CMC1: variants seen among roughly 807,000 people sequenced by gnomAD.
The protein encoded by CMC1 is C-X9-C motif containing 1, also known as COX assembly mitochondrial protein homolog.
A neutral mutation model predicts 14.1 loss-of-function variants in CMC1; 14 were observed. That is an observed-to-expected ratio of 0.99 (90% CI 0.66 to 1.55). The LOEUF (loss-of-function observed/expected upper bound fraction) is 1.55, where lower values mean the gene tolerates loss of function less well. Ranked by LOEUF, CMC1 falls within the 40% of genes most tolerant of loss-of-function variation. The pLI is 0.00. For missense variants in CMC1, 127 were observed against 123.8 expected, an observed-to-expected ratio of 1.03 and a Z score of -0.12; for synonymous variants, 50 against 38.4, an observed-to-expected ratio of 1.30 and a Z score of -1.12.
intron 1 of CMC1, among the ~76,000 whole-genome samples, chr3:28,252,932 C>T (rs181016116): frequency 5.1e-4 from 77 of 152,232 alleles, no homozygotes; most frequent in Non-Finnish European, 1.8e-4. Flanking sequence ...TGGAGCATTG[C>T]GGGGAAGAAA....
intron 2 of CMC1, among the ~76,000 whole-genome samples, chr3:28,271,912 G>A (rs1194927524): frequency 1.3e-5 from 2 of 152,156 alleles, no homozygotes; most frequent in Non-Finnish European, 2.9e-5. Context: ...GCAGTGGCTT[G>A]TAGTTCTCCT....
In CMC1 at chr3:28,323,694, T is replaced by G. The variant is rs1297081830; in HGVS notation, c.*4065T>G. 5.8e-6 allele frequency: 1 copy of G among 172,862 alleles called. No individual in the cohort carries two copies. The highest frequency in any genetic ancestry group is 1.5e-4 in the East Asian group (1 of 6,456). The allele number at this position is 172,862 out of a possible 1,614,324, so 10.7% of individuals were successfully genotyped here. A position where few individuals can be genotyped will look rare whatever the true frequency, so the allele number is the denominator to read the frequency against. On this transcript the variant is annotated 3_prime_UTR_variant, in exon 4 of 4. Transcript: ENST00000466830. ...TTTTTATGAACAGATATTTAGACAT[T>G]TCACATTTTGTAAAACCACGTCTAC...
At chr3:28,252,590 AT>A (rs1457031746) in intron 1 of CMC1, among the ~76,000 whole-genome samples, 7 of 152,274 alleles carry the variant, frequency 4.6e-5, no homozygotes, top group Admixed American at 6.5e-5. Flanking sequence ...GAATTTTCAA[AT>A]TTTGCTGGTT....
chr3:28,318,338 C>G (rs567821612), intron 3 of CMC1: 46 of 151,862 alleles, frequency 3.0e-4, no homozygotes, highest in African/African-American at 9.9e-4. Flanking sequence ...TGTTCCTTTT[C>G]TTTTACTGGA....
At chr3:28,255,304 G>T (rs1274921925) in intron 1 of CMC1, among the ~76,000 whole-genome samples, 5 of 146,988 alleles carry the variant, frequency 3.4e-5, no homozygotes, top group African/African-American at 5.0e-5. Flanking sequence ...GCAGTGGCAT[G>T]ATCTCGGCTC....
intron 2 of CMC1, among the ~76,000 whole-genome samples, chr3:28,271,998 G>A (rs1700318569): frequency 1.3e-5 from 2 of 152,088 alleles, no homozygotes; most frequent in Non-Finnish European, 2.9e-5. Flanking sequence ...ATGAATGGGA[G>A]TTCATTCATG....
At chr3:28,270,149 T>TG (rs577250770) in intron 2 of CMC1, among the ~76,000 whole-genome samples, 146 of 152,332 alleles carry the variant, frequency 9.6e-4, no homozygotes, top group African/African-American at 3.3e-3. Context: ...TTTCTTTATC[T>TG]GGTCTATCAT....
At chr3:28,276,182 C>T (rs1018640015) in intron 2 of CMC1, among the ~76,000 whole-genome samples, 1 of 152,120 alleles carries the variant, frequency 6.6e-6, no homozygotes, top group African/African-American at 2.4e-5. Context: ...TTGCCCTTTT[C>T]ATTCTTGGTG....
At position 28,323,964 on chromosome 3, in the gene CMC1, AGTTT is replaced by A. The variant is rs1212914502; in HGVS notation, c.*4339_*4342del. ...AAAATTTTAATCAAAATCTCCTTTC[AGTTT>A]GTTAAATAATTTCTTGGGAGGACCA... On this transcript the variant is annotated 3_prime_UTR_variant, in exon 4 of 4. Coordinates refer to ENST00000466830, the MANE Select transcript of CMC1 (RefSeq NM_182523.2). 1.4e-6 allele frequency: 2 copies of A among 1,451,210 alleles called. No individual in the cohort carries two copies. The highest frequency in any genetic ancestry group is 2.9e-5 in the African/African-American group (2 of 69,860). 89.9% of individuals were successfully genotyped at this position (1,451,210 alleles called of 1,614,324 possible). A position where few individuals can be genotyped will look rare whatever the true frequency, so the allele number is the denominator to read the frequency against.
rs1002451084 is a variant in CMC1 at position 28,322,468 on chromosome 3, A to G, written c.*2839A>G. The G allele has an allele frequency of 6.6e-6, 1 of 151,656 alleles. No individual in the cohort carries two copies. 9.4% of individuals were successfully genotyped at this position (151,656 alleles called of 1,614,324 possible). A position where few individuals can be genotyped will look rare whatever the true frequency, so the allele number is the denominator to read the frequency against. On this transcript the variant is annotated 3_prime_UTR_variant, in exon 4 of 4. Coordinates refer to ENST00000466830, the MANE Select transcript of CMC1 (RefSeq NM_182523.2). ...TTTTCTTTACAAAGGAAAATTTCCAATTTTGGTTTTAAAAAAGGCAAACCA... is the reference window on the plus strand; with the variant it reads ...TTTTCTTTACAAAGGAAAATTTCCAGTTTTGGTTTTAAAAAAGGCAAACCA...
chr3:28,262,102 C>T (rs929410452), intron 1 of CMC1, among the ~76,000 whole-genome samples: 1 of 152,104 alleles, frequency 6.6e-6, no homozygotes, highest in Admixed American at 6.6e-5. Context: ...TTATAATTCT[C>T]TCTCAGAACT....
intron 2 of CMC1, chr3:28,315,249 A>C (rs1372280450): frequency 6.6e-6 from 1 of 152,232 alleles, no homozygotes; most frequent in Non-Finnish European, 1.5e-5. Context: ...AAGCAAACAC[A>C]AGACAGAGTA....
intron 1 of CMC1, among the ~76,000 whole-genome samples, chr3:28,256,265 A>G (rs902125722): frequency 6.6e-6 from 1 of 152,028 alleles, no homozygotes; most frequent in African/African-American, 2.4e-5. Flanking sequence ...ATGTGATTGT[A>G]GGGACCAGTT....
chr3:28,257,882 G>C (rs1007387181), intron 1 of CMC1, among the ~76,000 whole-genome samples: 16 of 152,062 alleles, frequency 1.1e-4, no homozygotes, highest in African/African-American at 3.6e-4. Context: ...TAACTCAGCA[G>C]TTTTCCAGAG....
chr3:28,290,995 C>T (rs772300094), intron 2 of CMC1, among the ~76,000 whole-genome samples: 1 of 152,018 alleles, frequency 6.6e-6, no homozygotes, highest in Admixed American at 6.6e-5. Context: ...TTGAAGGTCA[C>T]TCATGGTTGT....
Position 28,323,953 on chromosome 3 carries a change from A to T in CMC1, c.*4324A>T, listed in dbSNP as rs1435519044. 2 of 1,429,128 alleles carry T rather than the reference A, an allele frequency of 1.4e-6. No homozygotes were observed. The highest frequency in any genetic ancestry group is 2.9e-5 in the African/African-American group (2 of 69,390). The allele number at this position is 1,429,128 out of a possible 1,614,324, so 88.5% of individuals were successfully genotyped here. ...AAGACCTCTGCAAAATTTTAATCAAAATCTCCTTTCAGTTTGTTAAATAAT... is the reference window on the plus strand; with the variant it reads ...AAGACCTCTGCAAAATTTTAATCAATATCTCCTTTCAGTTTGTTAAATAAT... On this transcript the variant is annotated 3_prime_UTR_variant, in exon 4 of 4. Coordinates refer to ENST00000466830, the MANE Select transcript of CMC1 (RefSeq NM_182523.2).
At chr3:28,285,456 A>G (rs1255038503) in intron 2 of CMC1, among the ~76,000 whole-genome samples, 3 of 152,154 alleles carry the variant, frequency 2.0e-5, no homozygotes, top group Non-Finnish European at 2.9e-5. Context: ...GTTCTCACGT[A>G]TAAGTGGAAG....
chr3:28,261,810 A>G (rs1262815680), intron 1 of CMC1, among the ~76,000 whole-genome samples: 2 of 152,086 alleles, frequency 1.3e-5, no homozygotes, highest in Non-Finnish European at 2.9e-5. Context: ...GCCCCTCAGA[A>G]CCCATGTGTA....
chr3:28,247,011 T>C (rs1698863458), intron 1 of CMC1, among the ~76,000 whole-genome samples: 2 of 152,194 alleles, frequency 1.3e-5, no homozygotes, highest in South Asian at 4.1e-4. Flanking sequence ...TTTTCAATCG[T>C]TTGTACTCTG....
Sources: gnomAD v4.1 joint callset for allele counts (sites outside exome capture counted in the v4.1 genomes callset) on GRCh38, gnomAD v4.1.1 for gene constraint, MANE v1.5 for transcripts, NCBI Gene and HGNC (gene_info 2026-07-23, HGNC 2026-07-21) for gene names.